SYT16: variants seen among roughly 807,000 people sequenced by gnomAD.
The protein encoded by SYT16 is synaptotagmin 16, also known as synaptotagmin-16.
Under a neutral mutation model 61.4 loss-of-function variants are expected in SYT16, and 42 were observed. The observed-to-expected ratio is 0.68, with a 90% CI of 0.53 to 0.89. SYT16 has a LOEUF of 0.89. Among genes scored for constraint, SYT16 ranks in the 40% least tolerant of loss-of-function variants. SYT16 has a pLI of 0.00. For synonymous variants in SYT16, 314 were observed against 302.3 expected (o/e 1.04, Z -0.40); for missense variants, 804 against 807.3 (o/e 1.00, Z 0.05).
chr14:61,972,374 T>C (rs2051597668), intron 2 of SYT16, among the ~76,000 whole-genome samples: 1 of 152,214 alleles, frequency 6.6e-6, no homozygotes, highest in Non-Finnish European at 1.5e-5. Context: ...AATTATGAAT[T>C]ATACTTGCAA....
intron 3 of SYT16, among the ~76,000 whole-genome samples, chr14:62,022,641 C>T (rs1008461968): frequency 5.9e-5 from 9 of 151,314 alleles, no homozygotes; most frequent in Non-Finnish European, 1.2e-4. Flanking sequence ...CACACACAGA[C>T]ATATGTATAT....
chr14:61,883,281 A>C (rs1459110615), intron 1 of SYT16, among the ~76,000 whole-genome samples: 2 of 152,192 alleles, frequency 1.3e-5, no homozygotes, highest in Non-Finnish European at 2.9e-5. Flanking sequence ...CTTTTCTGTC[A>C]CATCATTGGA....
In SYT16 at chr14:62,086,513, C is replaced by CA. The variant is rs199906899; in HGVS notation, c.1624+2134dup. ...AAACAACAACAAACAAACAAACAAA[C>CA]AAAAAATTGTGTTATGAAACTGTTC... is the stretch of plus-strand genomic sequence containing the variant. On this transcript the variant is annotated intron_variant, in intron 7 of 7. Coordinates refer to ENST00000683842, the MANE Select transcript of SYT16 (RefSeq NM_001367656.1). Among the ~76,000 whole-genome samples the CA allele has an allele frequency of 6.1e-3, 931 of 151,772 alleles. 10 individuals are homozygous for CA. The East Asian group carries it at 0.068, about 11-fold the overall frequency.
chr14:62,008,672 C>G (rs74891081), intron 3 of SYT16, among the ~76,000 whole-genome samples: 17,847 of 145,372 alleles, frequency 0.12, 1,198 homozygotes, highest in African/African-American at 0.17. Flanking sequence ...TAACTGTAAA[C>G]TACATATAAC....
intron 1 of SYT16, among the ~76,000 whole-genome samples, chr14:61,969,617 A>C (rs529396287): frequency 1.3e-5 from 2 of 152,218 alleles, no homozygotes; most frequent in Non-Finnish European, 2.9e-5. Flanking sequence ...ATCAAATTGC[A>C]CAGCTGGATT....
At chr14:62,048,044 A>G (rs1025274652) in intron 3 of SYT16, among the ~76,000 whole-genome samples, 84 of 152,338 alleles carry the variant, frequency 5.5e-4, no homozygotes, top group African/African-American at 1.9e-3. Flanking sequence ...TAGTTTCAGA[A>G]GGAATGGTAC....
At chr14:61,865,150 C>A in intron 1 of SYT16, 1 of 1,249,818 alleles carries the variant, frequency 8.0e-7, no homozygotes, top group Non-Finnish European at 1.2e-6. Context: ...ATAAATGCCG[C>A]TCCCTGCAGT....
chr14:62,040,460 A>C (rs1206704879), intron 3 of SYT16, among the ~76,000 whole-genome samples: 2 of 152,234 alleles, frequency 1.3e-5, no homozygotes, highest in Non-Finnish European at 2.9e-5. Context: ...GCATACATCC[A>C]GATTTATATT....
intron 1 of SYT16, among the ~76,000 whole-genome samples, chr14:61,840,317 G>T (rs868552963): frequency 2.7e-4 from 41 of 152,226 alleles, no homozygotes; most frequent in Middle Eastern, 6.8e-3. Flanking sequence ...AGAAGTTGGT[G>T]GTTTTAGTTT....
intron 1 of SYT16, among the ~76,000 whole-genome samples, chr14:61,941,435 T>C (rs77314551): frequency 6.6e-6 from 1 of 152,212 alleles, no homozygotes; most frequent in African/African-American, 2.4e-5. Context: ...GTTGTTTTTT[T>C]CTAAATCTTC....
chr14:62,053,650 T>G (rs2055410922), intron 3 of SYT16, among the ~76,000 whole-genome samples: 1 of 152,212 alleles, frequency 6.6e-6, no homozygotes, highest in African/African-American at 2.4e-5. Flanking sequence ...TAATAGATGT[T>G]AAGGGCAGAG....
intron 1 of SYT16, chr14:61,864,942 A>G: frequency 1.5e-6 from 2 of 1,299,430 alleles, no homozygotes; most frequent in South Asian, 1.2e-5. Context: ...GGCTGCCTGC[A>G]GGCCTTGAAA....
chr14:62,006,808 C>T (rs901686378), intron 3 of SYT16, among the ~76,000 whole-genome samples: 10 of 152,222 alleles, frequency 6.6e-5, no homozygotes, highest in Middle Eastern at 3.4e-3. Context: ...TTTTTTACCT[C>T]ATGCTTTTTT....
intron 3 of SYT16, among the ~76,000 whole-genome samples, chr14:62,017,576 T>A (rs2053741019): frequency 6.6e-6 from 1 of 152,224 alleles, no homozygotes; most frequent in African/African-American, 2.4e-5. Context: ...ATCTTGGAGT[T>A]ATTCATACCT....
chr14:62,066,909 CAA>C (rs2056082699), intron 3 of SYT16, among the ~76,000 whole-genome samples: 2 of 152,096 alleles, frequency 1.3e-5, no homozygotes, highest in African/African-American at 4.8e-5. Flanking sequence ...GGAGCACTGA[CAA>C]GAGAGAACAG....
At chr14:62,081,334 G>T in intron 6 of SYT16, 60 bp downstream of exon 6, 6 of 1,521,412 alleles carry the variant, frequency 3.9e-6, no homozygotes, top group Non-Finnish European at 4.5e-6. Flanking sequence ...GGGATTGTCA[G>T]CCCTTGATTT....
intron 1 of SYT16, among the ~76,000 whole-genome samples, chr14:61,814,895 A>G (rs1436315205): frequency 2.0e-5 from 3 of 152,176 alleles, no homozygotes; most frequent in African/African-American, 7.2e-5. Context: ...AAGTCCTACA[A>G]CCTTCTGTTA....
chr14:61,837,429 G>A (rs186954181), intron 1 of SYT16, among the ~76,000 whole-genome samples: 26 of 151,538 alleles, frequency 1.7e-4, no homozygotes. Flanking sequence ...AGTAGAGACA[G>A]GGTTTTGCTA....
In SYT16 at chr14:62,104,535, A is replaced by G. The variant is rs2057480591; in HGVS notation, c.*3828A>G. ...TAAAGAATACATAAATGTGCTGGAT[A>G]CATTTAGCATCCTCCAGTGAGTTGT... On this transcript the variant is annotated 3_prime_UTR_variant, in exon 8 of 8. Coordinates refer to ENST00000683842, the MANE Select transcript of SYT16 (RefSeq NM_001367656.1). 1 of 152,262 alleles carries G rather than the reference A, an allele frequency of 6.6e-6. No individual in the cohort carries two copies. The highest frequency in any genetic ancestry group is 6.5e-5 in the Admixed American group (1 of 15,284). 9.4% of individuals were successfully genotyped at this position (152,262 alleles called of 1,614,324 possible).
Sources: allele counts gnomAD v4.1 joint callset (sites outside exome capture counted in the v4.1 genomes callset), GRCh38; gene constraint gnomAD v4.1.1; transcripts MANE v1.5; gene names NCBI Gene and HGNC (gene_info 2026-07-23, HGNC 2026-07-21).